CNTN3: variants seen among roughly 807,000 people sequenced by gnomAD.
The protein encoded by CNTN3 is contactin-3.
A neutral mutation model predicts 119.1 loss-of-function variants in CNTN3; 60 were observed. The observed-to-expected ratio is 0.50, with a 90% CI of 0.41 to 0.62. The LOEUF is 0.62. CNTN3 is among the 20% of genes least tolerant of loss of function. The pLI, the probability that CNTN3 is intolerant of heterozygous loss-of-function variation, is 0.00. For synonymous variants in CNTN3, 450 were observed against 438.7 expected (o/e 1.03, Z -0.32); for missense variants, 1,101 against 1,242.4 (o/e 0.89, Z 1.71).
chr3:74,304,457 A>C (rs1702519853), intron 13 of CNTN3, among the ~76,000 whole-genome samples: 1 of 152,140 alleles, frequency 6.6e-6, no homozygotes, highest in Non-Finnish European at 1.5e-5. Flanking sequence ...TTCGGTGAAA[A>C]ACTGTTACTA....
chr3:74,315,955 T>C (rs1313562429), intron 13 of CNTN3, among the ~76,000 whole-genome samples: 1 of 152,202 alleles, frequency 6.6e-6, no homozygotes, highest in African/African-American at 2.4e-5. Flanking sequence ...AATTTATTAC[T>C]ATGTCCTCAA....
At chr3:74,498,520 G>A (rs2107075271) in intron 3 of CNTN3, among the ~76,000 whole-genome samples, 1 of 151,772 alleles carries the variant, frequency 6.6e-6, no homozygotes, top group East Asian at 1.9e-4. Context: ...ACACAATAGG[G>A]CCCCAATAAA....
At position 74,334,748 on chromosome 3, in the gene CNTN3, T is replaced by C. The variant is rs2106707862; in HGVS notation, c.1655A>G (p.Glu552Gly). The change falls in exon 13 of 23, where the codon GAG becomes GGG. Residue 552 changes from glutamate (E) to glycine (G), a missense_variant. Physicochemically the swap from Glu to Gly is moderately conservative, Grantham distance 98. Coordinates refer to ENST00000263665, the MANE Select transcript of CNTN3 (RefSeq NM_020872.3). ...GCCACAACTTACCCCACCAACTTTC[T>C]CAAAGTGAGATCCATCTTTCTTAAA... ...ADFKKDGSHF[E>G]KVGGSSSGDL... 6.2e-7 allele frequency: 1 copy of C among 1,613,226 alleles called. No homozygotes were observed. The highest frequency in any genetic ancestry group is 2.2e-5 in the East Asian group (1 of 44,852).
intron 2 of CNTN3, among the ~76,000 whole-genome samples, chr3:74,520,164 G>T (rs1430969868): frequency 1.3e-5 from 2 of 149,052 alleles, no homozygotes; most frequent in Admixed American, 1.3e-4. Flanking sequence ...CTAAGGAGAT[G>T]AGTATTAAAT....
intron 20 of CNTN3, among the ~76,000 whole-genome samples, chr3:74,271,105 C>T (rs1325474844): frequency 2.0e-5 from 3 of 152,182 alleles, no homozygotes; most frequent in Non-Finnish European, 2.9e-5. Context: ...TTTACTTACT[C>T]TGCAGATACT....
intron 1 of CNTN3, among the ~76,000 whole-genome samples, chr3:74,533,178 A>G (rs1703717255): frequency 6.6e-6 from 1 of 152,004 alleles, no homozygotes; most frequent in Non-Finnish European, 1.5e-5. Context: ...TCATATTCAT[A>G]GGTAAATTAA....
chr3:74,266,928 A>T (rs1701672274), intron 21 of CNTN3, among the ~76,000 whole-genome samples: 1 of 152,142 alleles, frequency 6.6e-6, no homozygotes, highest in African/African-American at 2.4e-5. Context: ...GCAGGGCCAT[A>T]GTGTATGGAC....
intron 2 of CNTN3, among the ~76,000 whole-genome samples, chr3:74,520,599 A>T (rs1409552283): frequency 2.6e-5 from 4 of 151,448 alleles, no homozygotes; most frequent in Admixed American, 2.6e-4. Context: ...CAAATTTTCC[A>T]AAATTAAAAA....
chr3:74,596,800 C>G (rs1704820806), intron 1 of CNTN3, among the ~76,000 whole-genome samples: 1 of 152,080 alleles, frequency 6.6e-6, no homozygotes, highest in African/African-American at 2.4e-5. Context: ...GTGCAATGGA[C>G]TTGACCACCA....
intron 11 of CNTN3, among the ~76,000 whole-genome samples, chr3:74,347,286 G>C (rs1176499961): frequency 6.6e-6 from 1 of 152,174 alleles, no homozygotes; most frequent in Non-Finnish European, 1.5e-5. Context: ...CTGTCATCCA[G>C]GTTGGAGTGC....
At chr3:74,567,640 G>A (rs1704248114) in intron 1 of CNTN3, among the ~76,000 whole-genome samples, 1 of 152,046 alleles carries the variant, frequency 6.6e-6, no homozygotes, top group Admixed American at 6.6e-5. Context: ...CCTCCAAGAA[G>A]GGACCTTTTT....
chr3:74,357,385 G>A (rs978673530), intron 11 of CNTN3, among the ~76,000 whole-genome samples: 1 of 152,116 alleles, frequency 6.6e-6, no homozygotes, highest in Non-Finnish European at 1.5e-5. Flanking sequence ...CCAAGTTCAA[G>A]TGATTCTCCT....
chr3:74,583,775 C>T (rs1704551872), intron 1 of CNTN3, among the ~76,000 whole-genome samples: 1 of 152,166 alleles, frequency 6.6e-6, no homozygotes, highest in South Asian at 2.1e-4. Flanking sequence ...GAAGATTATA[C>T]ATTTTAAAGA....
intron 5 of CNTN3, among the ~76,000 whole-genome samples, chr3:74,412,600 T>C (rs933594041): frequency 2.6e-5 from 4 of 152,214 alleles, no homozygotes; most frequent in African/African-American, 7.2e-5. Context: ...CATTTTTTTA[T>C]TATCTGTAAA....
chr3:74,441,614 A>C (rs1219892362), intron 4 of CNTN3, among the ~76,000 whole-genome samples: 2 of 152,222 alleles, frequency 1.3e-5, no homozygotes. Flanking sequence ...AAATGTATAC[A>C]AATTAGAAAG....
chr3:74,334,673 C>T (rs1703344834), intron 13 of CNTN3, 62 bp downstream of exon 13: 2 of 1,458,830 alleles, frequency 1.4e-6, no homozygotes, highest in Admixed American at 1.9e-5. Context: ...AGACAGTTTT[C>T]AGAAGCAATG....
At chr3:74,551,754 C>CTTCTTT (rs1703994193) in intron 1 of CNTN3, among the ~76,000 whole-genome samples, 2 of 60,180 alleles carry the variant, frequency 3.3e-5, no homozygotes, top group East Asian at 6.3e-4. Flanking sequence ...TCTTCTTCTT[C>CTTCTTT]TTTTTTTTTT....
chr3:74,354,304 T>C (rs547882223), intron 11 of CNTN3, among the ~76,000 whole-genome samples: 69 of 152,210 alleles, frequency 4.5e-4, no homozygotes, highest in African/African-American at 8.9e-4. Context: ...CAATAAAATA[T>C]TTACTATTAT....
At chr3:74,401,511 C>G (rs565002655) in intron 5 of CNTN3, among the ~76,000 whole-genome samples, 1 of 150,184 alleles carries the variant, frequency 6.7e-6, no homozygotes, top group African/African-American at 2.5e-5. Flanking sequence ...CACACACGCG[C>G]GCACGCACAC....
Sources: gnomAD v4.1 joint callset for allele counts (sites outside exome capture counted in the v4.1 genomes callset) on GRCh38, gnomAD v4.1.1 for gene constraint, MANE v1.5 for transcripts, NCBI Gene and HGNC (gene_info 2026-07-23, HGNC 2026-07-21) for gene names.